Variants in CBLB observed in about 807,000 individuals in gnomAD.
CBLB encodes Cbl proto-oncogene B, also known as E3 ubiquitin-protein ligase CBL-B.
In CBLB, 31 loss-of-function variants were observed where a neutral mutation model predicts 104.9. The observed-to-expected ratio is 0.30, with a 90% CI of 0.22 to 0.40. CBLB has a LOEUF of 0.40. CBLB is among the 10% of genes least tolerant of loss of function. CBLB has a pLI of 1.00. For missense variants in CBLB, 1,062 were observed against 1,214.6 expected (o/e 0.87, Z 1.87); for synonymous variants, 440 against 422.6 (o/e 1.04, Z -0.51).
At chr3:105,700,698 G>C (rs16851470) in intron 12 of CBLB, among the ~76,000 whole-genome samples, 1 of 152,184 alleles carries the variant, frequency 6.6e-6, no homozygotes, top group Non-Finnish European at 1.5e-5. Flanking sequence ...AAGGTACCAA[G>C]GTGAGTCACC....
chr3:105,717,164 G>A (rs571971392), intron 10 of CBLB, among the ~76,000 whole-genome samples: 77 of 152,184 alleles, frequency 5.1e-4, no homozygotes, highest in Non-Finnish European at 1.0e-3. Flanking sequence ...CTCCCAAGCA[G>A]TAAGGTATAC....
chr3:105,722,486 G>T (rs928677187), intron 9 of CBLB, among the ~76,000 whole-genome samples: 1 of 151,990 alleles, frequency 6.6e-6, no homozygotes, highest in Admixed American at 6.6e-5. Flanking sequence ...AGATCGTTTT[G>T]AAGTACCTCC....
At chr3:105,834,832 T>C (rs935791167) in intron 3 of CBLB, among the ~76,000 whole-genome samples, 1 of 152,226 alleles carries the variant, frequency 6.6e-6, no homozygotes, top group African/African-American at 2.4e-5. Flanking sequence ...GCCCTGCTTT[T>C]ACCTTGCTGT....
At chr3:105,683,792 G>A (rs1185398034) in intron 14 of CBLB, among the ~76,000 whole-genome samples, 3 of 152,116 alleles carry the variant, frequency 2.0e-5, no homozygotes, top group African/African-American at 7.2e-5. Flanking sequence ...ATCAACAGAT[G>A]TCTTATCTAA....
At position 105,864,833 on chromosome 3, in the gene CBLB, G is replaced by C. The variant is rs2092331064; in HGVS notation, c.168+2577C>G. The stretch of plus-strand genomic sequence containing the variant: ...ACTAGATATTTCCCCTACAACCCAA[G>C]ACTGCTTCATTATTCCCTGTAAAAA... On this transcript the variant is annotated intron_variant, in intron 2 of 18. Coordinates refer to ENST00000394030, the MANE Select transcript of CBLB (RefSeq NM_170662.5). 1.3e-5 allele frequency among the ~76,000 whole-genome samples: 2 copies of C among 152,036 alleles called. 1 individual carries two copies. The highest frequency in any genetic ancestry group is 4.1e-4 in the South Asian group (2 of 4,830).
At chr3:105,827,913 A>T (rs2086837045) in intron 3 of CBLB, among the ~76,000 whole-genome samples, 1 of 152,204 alleles carries the variant, frequency 6.6e-6, no homozygotes, top group Non-Finnish European at 1.5e-5. Flanking sequence ...AAACCTCAAA[A>T]AAACACAGCA....
In CBLB at chr3:105,740,569, T is replaced by C; in HGVS notation, c.908A>G (p.Asp303Gly). 1.2e-6 allele frequency: 2 copies of C among 1,613,886 alleles called. No homozygotes were observed. The highest frequency in any genetic ancestry group is 1.7e-6 in the Non-Finnish European group (2 of 1,179,852). The change falls in exon 7 of 19, where the codon GAT becomes GGT. Residue 303 changes from aspartate to glycine, a missense_variant. Physicochemically the swap from Asp to Gly is moderately conservative, Grantham distance 94 (BLOSUM62 -1). Coordinates refer to ENST00000394030, the MANE Select transcript of CBLB (RefSeq NM_170662.5). Reference protein sequence around the residue: ...GQWAIGYVTGDGNILQTIPHN... With the variant: ...GQWAIGYVTGGGNILQTIPHN... ...AGGTATGGTCTGTAAGATATTCCCA[T>C]CCCCAGTCACATAGCCAATGGCCCA...
rs563069593 is a variant in CBLB at position 105,681,526 on chromosome 3, G to A, written c.2381C>T (p.Ser794Leu). Residue 794 changes from serine to leucine, a missense_variant, in exon 16 of 19, where the codon TCA becomes TTA. Transcript: ENST00000394030. ...PTRDNPKHGSSLNRTPSDYDL... is the reference protein window; with the variant it reads ...PTRDNPKHGSLLNRTPSDYDL... ...ATAATCAGAGGGCGTCCTGTTGAGT[G>A]AAGAACCATGCTTTGGATTGTCCCG... 5.0e-6 allele frequency: 8 copies of A among 1,614,046 alleles called. No homozygotes were observed. The South Asian group carries it at 8.8e-5, about 18-fold the overall frequency.
intron 10 of CBLB, among the ~76,000 whole-genome samples, chr3:105,713,602 TC>T (rs1251261470): frequency 6.6e-6 from 1 of 152,224 alleles, no homozygotes; most frequent in Non-Finnish European, 1.5e-5. Context: ...AACAATGTCT[TC>T]AAGGTATCCT....
At chr3:105,746,126 CATT>C (rs1269804598) in intron 5 of CBLB, 88 bp from the exon 6 acceptor site, 3 of 898,514 alleles carry the variant, frequency 3.3e-6, no homozygotes, top group Non-Finnish European at 5.2e-6. Flanking sequence ...ATACACTTAA[CATT>C]ATCTTGGATA....
intron 2 of CBLB, among the ~76,000 whole-genome samples, chr3:105,859,036 A>G (rs2091874433): frequency 6.6e-6 from 1 of 152,234 alleles, no homozygotes; most frequent in Admixed American, 6.5e-5. Context: ...TAATGCTATA[A>G]GAATTTTCAA....
intron 13 of CBLB, among the ~76,000 whole-genome samples, chr3:105,693,209 C>T (rs1320976229): frequency 6.6e-6 from 1 of 151,912 alleles, no homozygotes; most frequent in African/African-American, 2.4e-5. Flanking sequence ...GAAGGGATAC[C>T]TCATTGTGCT....
chr3:105,781,084 G>A (rs2080209683), intron 3 of CBLB, among the ~76,000 whole-genome samples: 3 of 152,114 alleles, frequency 2.0e-5, no homozygotes, highest in African/African-American at 7.2e-5. Context: ...AAGAAGGAGG[G>A]AGGAATAAAA....
chr3:105,856,773 CA>C (rs1199209945), intron 2 of CBLB, among the ~76,000 whole-genome samples: 1 of 152,052 alleles, frequency 6.6e-6, no homozygotes, highest in Non-Finnish European at 1.5e-5. Context: ...TAAATAACAG[CA>C]AATCTTTACA....
intron 12 of CBLB, among the ~76,000 whole-genome samples, chr3:105,697,869 T>C (rs1439819959): frequency 1.3e-5 from 2 of 152,060 alleles, no homozygotes; most frequent in South Asian, 2.1e-4. Context: ...AATGTTAATA[T>C]CTAGAAATAA....
At chr3:105,777,528 T>C (rs1164553747) in intron 3 of CBLB, among the ~76,000 whole-genome samples, 1 of 152,152 alleles carries the variant, frequency 6.6e-6, no homozygotes, top group Non-Finnish European at 1.5e-5. Context: ...TTAGGGAGGC[T>C]GATGTGATCT....
chr3:105,821,518 G>A (rs1207625060), intron 3 of CBLB, among the ~76,000 whole-genome samples: 1 of 152,062 alleles, frequency 6.6e-6, no homozygotes, highest in Non-Finnish European at 1.5e-5. Flanking sequence ...AAACACTACT[G>A]CCAAAACAAA....
chr3:105,681,656 T>C (rs768843404), intron 15 of CBLB, 46 bp from the exon 16 acceptor site: 3 of 1,612,722 alleles, frequency 1.9e-6, no homozygotes. Flanking sequence ...TACAATGGCA[T>C]GAAATTTTGC....
At chr3:105,759,206 T>C (rs952886577) in intron 4 of CBLB, among the ~76,000 whole-genome samples, 2 of 152,176 alleles carry the variant, frequency 1.3e-5, no homozygotes, top group African/African-American at 4.8e-5. Flanking sequence ...CTTCTTCCTG[T>C]AGCTGGTAGT....
Sources: allele counts gnomAD v4.1 joint callset (sites outside exome capture counted in the v4.1 genomes callset), GRCh38; gene constraint gnomAD v4.1.1; transcripts MANE v1.5; gene names NCBI Gene and HGNC (gene_info 2026-07-23, HGNC 2026-07-21).